STAT3: variants seen among roughly 807,000 people sequenced by gnomAD.
STAT3 encodes DNA-binding protein APRF.
STAT3 carries 7 observed loss-of-function variants against 114.3 expected under a neutral mutation model. That is an observed-to-expected ratio of 0.06 (90% CI 0.03 to 0.11). STAT3 has a LOEUF of 0.11. STAT3 is among the 10% of genes least tolerant of loss of function. STAT3 has a pLI of 1.00. For synonymous variants in STAT3, 331 were observed against 354.5 expected (o/e 0.93, Z 0.74); for missense variants, 364 against 960.9 (o/e 0.38, Z 8.21).
chr17:42,345,766 AG>A lies in STAT3; in HGVS notation c.274-110del, dbSNP rs1204375963. The A allele has an allele frequency of 3.6e-6, 4 of 1,116,288 alleles. No homozygotes were observed. In the African/African-American group the frequency reaches 6.2e-5, roughly 17 times the overall value. 69.1% of individuals were successfully genotyped at this position (1,116,288 alleles called of 1,614,324 possible). A position where few individuals can be genotyped will look rare whatever the true frequency, so the allele number is the denominator to read the frequency against. On this transcript the variant is annotated intron_variant, in intron 3 of 23. Transcript: ENST00000264657. ...ATTCATCAAGGAAAGCATTTATTCTAGGAAACAACGGAACAAAGGCTTCAGA... is the reference window on the plus strand; with the variant it reads ...ATTCATCAAGGAAAGCATTTATTCTAGAAACAACGGAACAAAGGCTTCAGA...
Position 42,333,210 on chromosome 17 carries a change from TTG to T in STAT3, c.1049+461_1049+462del, listed in dbSNP as rs1447525119. 1.4e-4 allele frequency among the ~76,000 whole-genome samples: 22 copies of T among 152,074 alleles called. No homozygotes were observed. The highest frequency in any genetic ancestry group is 4.8e-4 in the African/African-American group (20 of 41,422). On this transcript the variant is annotated intron_variant, in intron 10 of 23. Transcript: ENST00000264657. The surrounding 1 kb of genome is among the most constrained non-coding windows in gnomAD (Gnocchi z 5.2). ...TACTAAGTTTCTGAGGAGGGAAATT[TTG>T]CTGCAGAAGGTCAAAACCCCAGCAC... is the stretch of plus-strand genomic sequence containing the variant.
At chr17:42,351,686 T>C (rs140077934) in intron 1 of STAT3, among the ~76,000 whole-genome samples, 214 of 152,164 alleles carry the variant, frequency 1.4e-3, no homozygotes, top group African/African-American at 5.0e-3. Flanking sequence ...GTAAAGCAAA[T>C]AGAGAGAATG....
chr17:42,374,610 C>CAAAAAAAA (rs1260078348), intron 1 of STAT3, among the ~76,000 whole-genome samples: 2 of 120,932 alleles, frequency 1.7e-5, no homozygotes, highest in African/African-American at 3.2e-5. Context: ...AACTCCATCT[C>CAAAAAAAA]AAAAAAAAAA....
In STAT3 at chr17:42,345,554, C is replaced by T; in HGVS notation, c.372+5G>A. ...ACCAGGGATTTGTTTTGTCTCAGGT[C>T]TCACCTGGGCCGCAGTGGCTGCAGT... On this transcript the variant is annotated splice_donor_5th_base_variant and intron_variant, in intron 4 of 23. Coordinates refer to ENST00000264657, the MANE Select transcript of STAT3 (RefSeq NM_139276.3). The T allele has an allele frequency of 1.3e-6, 2 of 1,598,702 alleles. No individual in the cohort carries two copies. The highest frequency in any genetic ancestry group is 1.7e-6 in the Non-Finnish European group (2 of 1,170,924).
chr17:42,339,256 A>G (rs2082344247), intron 5 of STAT3, 58 bp downstream of exon 5: 1 of 215,192 alleles, frequency 4.6e-6, no homozygotes, highest in Non-Finnish European at 7.4e-6. Flanking sequence ...ACCCTGTCTC[A>G]AAAAAAAAAA....
rs148829913 is a variant in STAT3 at position 42,346,756 on chromosome 17, G to A, written c.129-43C>T. 1,156 of 1,613,414 alleles carry A rather than the reference G, an allele frequency of 7.2e-4. 8 individuals carry two copies. In the Admixed American group the frequency reaches 0.013, roughly 19 times the overall value. ...GATAAAGAATGGCTCTGAAGCCGAC[G>A]CATACACACAAACACAGAAATCACC... On this transcript the variant is annotated intron_variant, in intron 2 of 23. Coordinates refer to ENST00000264657, the MANE Select transcript of STAT3 (RefSeq NM_139276.3).
chr17:42,365,652 G>GTTTTTTTTTTTTT (rs758091970), intron 1 of STAT3, among the ~76,000 whole-genome samples: 1 of 116,916 alleles, frequency 8.6e-6, no homozygotes, highest in African/African-American at 2.9e-5. Context: ...TTTTTTTTTT[G>GTTTTTTTTTTTTT]TTTTTTTTTG....
chr17:42,348,604 C>T (rs1403899499), intron 1 of STAT3, 65 bp from the exon 2 acceptor site: 1 of 1,589,870 alleles, frequency 6.3e-7, no homozygotes, highest in Admixed American at 1.7e-5. Context: ...CTAGAAGTAG[C>T]CATTGCCCAA....
chr17:42,351,116 C>T lies in STAT3; in HGVS notation c.-23-2577G>A, dbSNP rs768339550. Among the ~76,000 whole-genome samples, 5 of 122,478 alleles carry T rather than the reference C, an allele frequency of 4.1e-5. No homozygotes were observed. The East Asian group carries it at 6.6e-4, about 16-fold the overall frequency. The allele number at this position is 122,478 out of a possible 152,430, so 80.4% of individuals were successfully genotyped here. ...ACTGCACTCCAGCCTGATGACATAG[C>T]GAGACTCCATCTCAAAAAAAAAAAA... On this transcript the variant is annotated intron_variant, in intron 1 of 23. Coordinates refer to ENST00000264657, the MANE Select transcript of STAT3 (RefSeq NM_139276.3).
In STAT3 at chr17:42,339,376, C is replaced by A. The variant is rs1008624238; in HGVS notation, c.406G>T (p.Val136Leu). Residue 136 changes from valine to leucine, a missense_variant, in exon 5 of 24, where the codon GTG becomes TTG. By Grantham distance (32) the Val-to-Leu change is conservative. Transcript: ENST00000264657. ...GGQANHPTAA[V>L]VTEKQQMLEQ... The stretch of plus-strand genomic sequence containing the variant: ...AGCATCTGCTGCTTCTCCGTCACCA[C>A]GGCTGCTGTGGGGTGGTTGGCCTGG... 3.1e-6 allele frequency: 5 copies of A among 1,614,140 alleles called. No individual in the cohort carries two copies. Among genetic ancestry groups the A allele is most frequent in the Admixed American group, 3.3e-5 (2 of 60,000 alleles).
At chr17:42,332,537 CAAAA>C (rs759010924) in intron 10 of STAT3, among the ~76,000 whole-genome samples, 42 of 40,786 alleles carry the variant, frequency 1.0e-3, no homozygotes, top group East Asian at 2.9e-3. Context: ...GACTCCATCT[CAAAA>C]AAAAAAAAAA....
intron 1 of STAT3, among the ~76,000 whole-genome samples, chr17:42,385,521 A>G (rs1007973553): frequency 6.6e-6 from 1 of 151,948 alleles, no homozygotes; most frequent in Non-Finnish European, 1.5e-5. Context: ...AAAAAAAAAA[A>G]AAAAAGTATA....
intron 1 of STAT3, among the ~76,000 whole-genome samples, chr17:42,365,652 G>A (rs200677197): frequency 1.7e-5 from 2 of 116,914 alleles, no homozygotes; most frequent in African/African-American, 2.9e-5. Flanking sequence ...TTTTTTTTTT[G>A]TTTTTTTTTG....
intron 11 of STAT3, 140 bp from the exon 12 acceptor site, chr17:42,329,916 C>T (rs2081921736): frequency 2.0e-6 from 2 of 994,894 alleles, no homozygotes; most frequent in African/African-American, 3.2e-5. Context: ...TACAGTTGAT[C>T]AGCGCAACAT....
At chr17:42,335,481 C>A (rs1310940171) in intron 8 of STAT3, among the ~76,000 whole-genome samples, 1 of 152,214 alleles carries the variant, frequency 6.6e-6, no homozygotes, top group African/African-American at 2.4e-5. Flanking sequence ...GCGTGAGCCA[C>A]AACACCCAAT....
In STAT3 at chr17:42,337,068, T is replaced by C. The variant is rs1916171026; in HGVS notation, c.797+367A>G. 1.3e-5 allele frequency among the ~76,000 whole-genome samples: 2 copies of C among 152,120 alleles called. No homozygotes were observed. Among genetic ancestry groups the C allele is most frequent in the Admixed American group, 1.3e-4 (2 of 15,266 alleles). On this transcript the variant is annotated intron_variant, in intron 8 of 23. Coordinates refer to ENST00000264657, the MANE Select transcript of STAT3 (RefSeq NM_139276.3). The surrounding 1 kb of genome is among the most constrained non-coding windows in gnomAD (Gnocchi z 4.0). ...ATCTCCGCTCACTGCAACTTCCATA[T>C]CCCAGGTTCAAGTGATTCTCCTGCC...
rs751849047 is a variant in STAT3, at chr17:42,334,013, A to G, written c.834T>C (p.Arg278=). ...TSLAESQLQT[R]QQIKKLEELQ... ...ACTCCTCCAGTTTCTTAATTTGTTGACGGGTCTGAAGTTGAGATTCTGCTA... is the reference window on the plus strand; with the variant it reads ...ACTCCTCCAGTTTCTTAATTTGTTGGCGGGTCTGAAGTTGAGATTCTGCTA... Residue 278 remains arginine, a synonymous_variant, in exon 9 of 24, where the codon CGT becomes CGC. Transcript: ENST00000264657. 5.0e-6 allele frequency: 8 copies of G among 1,614,130 alleles called. No homozygotes were observed. In the East Asian group the frequency reaches 1.6e-4, roughly 31 times the overall value.
chr17:42,333,822 C>T lies in STAT3; in HGVS notation c.957-57G>A. The T allele has an allele frequency of 6.2e-7, 1 of 1,614,128 alleles. No individual in the cohort carries two copies. Among genetic ancestry groups the T allele is most frequent in the Non-Finnish European group, 8.5e-7 (1 of 1,179,958 alleles). On this transcript the variant is annotated intron_variant, in intron 9 of 23. Coordinates refer to ENST00000264657, the MANE Select transcript of STAT3 (RefSeq NM_139276.3). The surrounding 1 kb of genome is among the most constrained non-coding windows in gnomAD (Gnocchi z 5.2). ...CGGCCATGACCAGAAGTCAGCCCGC[C>T]TCTCACTCTACCACGTGAGTCTTTA...
chr17:42,348,540 CT>C lies in STAT3; in HGVS notation c.-23-2del, dbSNP rs866952149. 46 of 1,612,746 alleles carry C rather than the reference CT, an allele frequency of 2.9e-5. No individual in the cohort carries two copies. The highest frequency in any genetic ancestry group is 3.4e-5 in the Non-Finnish European group (40 of 1,179,950). Reference sequence around the variant, plus strand: ...ATCCTGCTAAAATCAGGGGTCCCAACTGTAAACCAAAGTGTGCATATGTTCA... The same window carrying C: ...ATCCTGCTAAAATCAGGGGTCCCAACGTAAACCAAAGTGTGCATATGTTCA... On this transcript the variant is annotated splice_acceptor_variant, in intron 1 of 23. Coordinates refer to ENST00000264657, the MANE Select transcript of STAT3 (RefSeq NM_139276.3). LOFTEE classifies it low-confidence loss of function (5UTR_SPLICE).
Sources: gnomAD v4.1 joint callset for allele counts (sites outside exome capture counted in the v4.1 genomes callset) on GRCh38, gnomAD v4.1.1 for gene constraint, Gnocchi (gnomAD v3.1) non-coding constraint, MANE v1.5 for transcripts, NCBI Gene and HGNC (gene_info 2026-07-23, HGNC 2026-07-21) for gene names.